ST3GAL3: variants seen among roughly 807,000 people sequenced by gnomAD.
ST3GAL3 encodes the protein ST3 beta-galactoside alpha-2,3-sialyltransferase 3.
ST3GAL3 carries 21 observed loss-of-function variants against 50.1 expected under a neutral mutation model. That is an observed-to-expected ratio of 0.42 (90% CI 0.30 to 0.60). ST3GAL3 has a LOEUF of 0.60. ST3GAL3 is among the 20% of genes least tolerant of loss of function. The pLI is 0.19. For synonymous variants in ST3GAL3, 183 were observed against 190.0 expected (o/e 0.96, Z 0.30); for missense variants, 353 against 489.4 (o/e 0.72, Z 2.63).
At chr1:43,783,463 CATTT>C (rs1700010112) in intron 2 of ST3GAL3, among the ~76,000 whole-genome samples, 1 of 152,198 alleles carries the variant, frequency 6.6e-6, no homozygotes, top group Non-Finnish European at 1.5e-5. Context: ...GGCTGTCTTT[CATTT>C]GAGACTCGAT....
chr1:43,867,369 T>A (rs2071596507), intron 5 of ST3GAL3, among the ~76,000 whole-genome samples: 1 of 152,214 alleles, frequency 6.6e-6, no homozygotes, highest in Non-Finnish European at 1.5e-5. Context: ...CATTTCTTTC[T>A]TATATTTGAT....
At chr1:43,729,086 TTTC>T (rs1291251389) in intron 1 of ST3GAL3, among the ~76,000 whole-genome samples, 2 of 124,854 alleles carry the variant, frequency 1.6e-5, no homozygotes, top group Non-Finnish European at 3.4e-5. Flanking sequence ...GACAATTATT[TTTC>T]TTTTTTTTTT....
At chr1:43,867,817 C>G (rs2071695097) in intron 5 of ST3GAL3, among the ~76,000 whole-genome samples, 1 of 152,012 alleles carries the variant, frequency 6.6e-6, no homozygotes, top group Non-Finnish European at 1.5e-5. Flanking sequence ...AAGAAGAAAA[C>G]AGAATGACCT....
chr1:43,765,380 C>T lies in ST3GAL3; in HGVS notation c.119-26722C>T, dbSNP rs74070678. 7.5e-3 allele frequency among the ~76,000 whole-genome samples: 1,148 copies of T among 152,218 alleles called. 21 individuals carry two copies. The highest frequency in any genetic ancestry group is 0.026 in the African/African-American group (1,087 of 41,532). ...GAGAAGTTCATGTGCTTCCCTGCAG[C>T]GCACGTTCCACAGATCAGTACTCAG... On this transcript the variant is annotated intron_variant, in intron 2 of 11. Coordinates refer to ENST00000347631, the MANE Select transcript of ST3GAL3 (RefSeq NM_006279.5).
In ST3GAL3 at chr1:43,857,572, T is replaced by TTCCTTCCTTCCTTCCTTCCTTCCTTCC. The variant is rs1558605176; in HGVS notation, c.302+19262_302+19263insCCTTCCTTCCTTCCTTCCTTCCTTCCT. Among the ~76,000 whole-genome samples the TTCCTTCCTTCCTTCCTTCCTTCCTTCC allele has an allele frequency of 5.6e-4, 45 of 80,938 alleles. 6 individuals carry two copies. The highest frequency in any genetic ancestry group is 7.4e-4 in the Non-Finnish European group (32 of 43,420). The allele number at this position is 80,938 out of a possible 152,430, so 53.1% of individuals were successfully genotyped here. A position where few individuals can be genotyped will look rare whatever the true frequency, so the allele number is the denominator to read the frequency against. On this transcript the variant is annotated intron_variant, in intron 5 of 11. Coordinates refer to ENST00000347631, the MANE Select transcript of ST3GAL3 (RefSeq NM_006279.5). The stretch of plus-strand genomic sequence containing the variant: ...CTTCCTTCCTTTCCTTCCTTCTTTC[T>TTCCTTCCTTCCTTCCTTCCTTCCTTCC]TTCCTTCCTCCCTCCCTTCCTTCCT...
chr1:43,928,339 A>G (rs1216485957), intron 11 of ST3GAL3, among the ~76,000 whole-genome samples: 7 of 151,968 alleles, frequency 4.6e-5, no homozygotes, highest in Non-Finnish European at 1.0e-4. Flanking sequence ...GATGGCTCAC[A>G]CCTGTAATCC....
intron 3 of ST3GAL3, 134 bp from the exon 4 acceptor site, chr1:43,814,757 T>G: frequency 1.2e-6 from 1 of 865,264 alleles, no homozygotes; most frequent in African/African-American, 1.7e-5. Flanking sequence ...TGTATTTAGT[T>G]ACGTTCTTTG....
intron 3 of ST3GAL3, among the ~76,000 whole-genome samples, chr1:43,808,468 A>G (rs1449383723): frequency 6.6e-6 from 1 of 151,950 alleles, no homozygotes; most frequent in East Asian, 1.9e-4. Flanking sequence ...AACGACTGAG[A>G]AAAAAACAGA....
At chr1:43,723,112 CCTT>C (rs1671260882) in intron 1 of ST3GAL3, among the ~76,000 whole-genome samples, 1 of 151,104 alleles carries the variant, frequency 6.6e-6, no homozygotes, top group African/African-American at 2.4e-5. Flanking sequence ...TCTCTTCCCT[CCTT>C]TTTTTTTTTT....
chr1:43,846,504 A>C (rs2066277601), intron 5 of ST3GAL3, among the ~76,000 whole-genome samples: 1 of 152,092 alleles, frequency 6.6e-6, no homozygotes, highest in Non-Finnish European at 1.5e-5. Flanking sequence ...TTTTGCAATT[A>C]CTTTTGTTTG....
chr1:43,797,672 C>T (rs1403017351), intron 3 of ST3GAL3, among the ~76,000 whole-genome samples: 7 of 152,154 alleles, frequency 4.6e-5, no homozygotes, highest in African/African-American at 1.7e-4. Context: ...AAACCTACAG[C>T]AAACATCATA....
chr1:43,735,393 C>G (rs945448383), intron 1 of ST3GAL3, among the ~76,000 whole-genome samples: 6 of 152,104 alleles, frequency 3.9e-5, no homozygotes, highest in African/African-American at 1.2e-4. Flanking sequence ...GGAAGAGAAG[C>G]AAGATATGGC....
chr1:43,710,592 G>A (rs1318529472), intron 1 of ST3GAL3, among the ~76,000 whole-genome samples: 2 of 152,216 alleles, frequency 1.3e-5, no homozygotes, highest in African/African-American at 4.8e-5. Context: ...CCTGGCATGG[G>A]CAATATGGGC....
At chr1:43,759,065 G>GCACA (rs1553285693) in intron 2 of ST3GAL3, among the ~76,000 whole-genome samples, 2,972 of 75,330 alleles carry the variant, frequency 0.039, 48 homozygotes, top group African/African-American at 0.056. Flanking sequence ...AAAAGCGCGC[G>GCACA]CACACACACA....
intron 9 of ST3GAL3, among the ~76,000 whole-genome samples, chr1:43,906,497 C>T (rs566050856): frequency 2.5e-4 from 31 of 123,280 alleles, no homozygotes; most frequent in Non-Finnish European, 3.5e-4. Flanking sequence ...CTCCCCTTCC[C>T]GCCACTCTTC....
chr1:43,815,033 G>A (rs904327244), intron 4 of ST3GAL3, 100 bp downstream of exon 4: 14 of 1,225,576 alleles, frequency 1.1e-5, no homozygotes, highest in Non-Finnish European at 1.7e-5. Flanking sequence ...TCTGGTGACT[G>A]GGGGACTCCC....
intron 6 of ST3GAL3, among the ~76,000 whole-genome samples, chr1:43,895,880 C>A (rs986970534): frequency 6.6e-6 from 1 of 152,198 alleles, no homozygotes; most frequent in African/African-American, 2.4e-5. Context: ...GCCCATCAGC[C>A]AGCAAGCAGA....
At chr1:43,712,551 A>G (rs1665307479) in intron 1 of ST3GAL3, among the ~76,000 whole-genome samples, 1 of 152,214 alleles carries the variant, frequency 6.6e-6, no homozygotes, top group Admixed American at 6.5e-5. Context: ...AGAAGCAAGT[A>G]AAGAATACAT....
intron 1 of ST3GAL3, among the ~76,000 whole-genome samples, chr1:43,710,744 C>T (rs114296462): frequency 3.0e-3 from 460 of 152,266 alleles, no homozygotes; most frequent in African/African-American, 9.2e-3. Context: ...ATTGTTCTTA[C>T]GTATGTTTCA....
Sources: gnomAD v4.1 joint callset for allele counts (sites outside exome capture counted in the v4.1 genomes callset) on GRCh38, gnomAD v4.1.1 for gene constraint, MANE v1.5 for transcripts, NCBI Gene and HGNC (gene_info 2026-07-23, HGNC 2026-07-21) for gene names.